KCNIP1: variants seen among roughly 807,000 people sequenced by gnomAD.
The protein encoded by KCNIP1 is potassium voltage-gated channel interacting protein 1, also known as A-type potassium channel modulatory protein KCNIP1.
A neutral mutation model predicts 33.0 loss-of-function variants in KCNIP1; 18 were observed. The ratio of observed to expected loss-of-function variants is 0.55; its 90% CI spans 0.38 to 0.81. The LOEUF (loss-of-function observed/expected upper bound fraction) is 0.81. Among genes scored for constraint, KCNIP1 ranks in the 30% least tolerant of loss-of-function variants. The pLI is 0.00. For missense variants in KCNIP1, 238 were observed against 271.6 expected (o/e 0.88, Z 0.87); for synonymous variants, 93 against 98.3 (o/e 0.95, Z 0.32).
chr5:170,607,652 C>T (rs1408640669), intron 1 of KCNIP1, among the ~76,000 whole-genome samples: 2 of 152,240 alleles, frequency 1.3e-5, no homozygotes, highest in African/African-American at 4.8e-5. Flanking sequence ...GGGTTCATCC[C>T]TGCCTCCTCA....
At chr5:170,386,190 A>G (rs1476420902) in intron 1 of KCNIP1, among the ~76,000 whole-genome samples, 1 of 152,208 alleles carries the variant, frequency 6.6e-6, no homozygotes, top group East Asian at 1.9e-4. Flanking sequence ...TGGATTATCC[A>G]TGTAGCTCCT....
intron 1 of KCNIP1, among the ~76,000 whole-genome samples, chr5:170,439,804 T>C (rs1022377419): frequency 4.6e-5 from 7 of 152,192 alleles, no homozygotes; most frequent in African/African-American, 1.7e-4. Context: ...GGCTCCTTTC[T>C]TGTGGGCCTG....
intron 1 of KCNIP1, among the ~76,000 whole-genome samples, chr5:170,444,470 T>C (rs900173185): frequency 2.6e-5 from 4 of 152,152 alleles, no homozygotes; most frequent in Non-Finnish European, 5.9e-5. Flanking sequence ...TAAAGCCAGC[T>C]GATTGACAAC....
intron 1 of KCNIP1, chr5:170,378,542 A>G (rs1764097716): frequency 1.2e-6 from 1 of 813,708 alleles, no homozygotes; most frequent in South Asian, 1.7e-5. Context: ...ACTTCACAAA[A>G]GGATTTCTCA....
At chr5:170,570,283 GTCT>G (rs1328089399) in intron 1 of KCNIP1, among the ~76,000 whole-genome samples, 1 of 152,182 alleles carries the variant, frequency 6.6e-6, no homozygotes, top group Non-Finnish European at 1.5e-5. Flanking sequence ...AGCTGCTATA[GTCT>G]TCTTCTGATC....
chr5:170,436,133 CA>C (rs1253746653), intron 1 of KCNIP1, among the ~76,000 whole-genome samples: 1 of 152,166 alleles, frequency 6.6e-6, no homozygotes, highest in East Asian at 1.9e-4. Context: ...ATAAGTTCTC[CA>C]GGGGGTTCTG....
chr5:170,629,372 A>C (rs1306043104), intron 1 of KCNIP1, among the ~76,000 whole-genome samples: 1 of 152,198 alleles, frequency 6.6e-6, no homozygotes, highest in Non-Finnish European at 1.5e-5. Context: ...GCAACTCAGC[A>C]GGCCAAGGGA....
intron 1 of KCNIP1, among the ~76,000 whole-genome samples, chr5:170,675,492 G>T (rs986333985): frequency 2.0e-5 from 3 of 151,942 alleles, no homozygotes; most frequent in Non-Finnish European, 4.4e-5. Flanking sequence ...ATGGTGGCAC[G>T]CACCTGTAGT....
chr5:170,535,103 C>T (rs547820679), intron 1 of KCNIP1, among the ~76,000 whole-genome samples: 162 of 152,304 alleles, frequency 1.1e-3, no homozygotes, highest in Non-Finnish European at 1.0e-3. Context: ...GTCCCAGCGC[C>T]GTCTCCGCAA....
chr5:170,565,284 G>A (rs1041761230), intron 1 of KCNIP1, among the ~76,000 whole-genome samples: 1 of 152,118 alleles, frequency 6.6e-6, no homozygotes, highest in Admixed American at 6.5e-5. Flanking sequence ...GTAGCCATGG[G>A]CCAGCAGCAT....
chr5:170,660,333 A>G (rs1761426800), intron 1 of KCNIP1, among the ~76,000 whole-genome samples: 1 of 151,860 alleles, frequency 6.6e-6, no homozygotes, highest in Non-Finnish European at 1.5e-5. Context: ...AAAATGGAAA[A>G]CTTTTCCCCC....
At chr5:170,587,921 C>T (rs1019826951) in intron 1 of KCNIP1, among the ~76,000 whole-genome samples, 1 of 152,230 alleles carries the variant, frequency 6.6e-6, no homozygotes, top group African/African-American at 2.4e-5. Context: ...TCCTTGCCAT[C>T]GCCAGCTCAG....
At chr5:170,589,961 C>A (rs2113548068) in intron 1 of KCNIP1, among the ~76,000 whole-genome samples, 1 of 152,292 alleles carries the variant, frequency 6.6e-6, no homozygotes, top group Admixed American at 6.5e-5. Context: ...GTGGTGACTT[C>A]ATCTCCCCTA....
intron 1 of KCNIP1, among the ~76,000 whole-genome samples, chr5:170,434,813 G>A (rs1163460418): frequency 1.3e-5 from 2 of 152,174 alleles, no homozygotes; most frequent in African/African-American, 4.8e-5. Context: ...AAATCAGCCG[G>A]GCGTGGTGGC....
chr5:170,539,604 G>A (rs1428283203), intron 1 of KCNIP1, among the ~76,000 whole-genome samples: 1 of 152,096 alleles, frequency 6.6e-6, no homozygotes, highest in East Asian at 1.9e-4. Context: ...TTTCCCCATA[G>A]CGCTCATCCC....
At chr5:170,368,917 C>A (rs896488841) in intron 1 of KCNIP1, among the ~76,000 whole-genome samples, 3 of 152,178 alleles carry the variant, frequency 2.0e-5, no homozygotes, top group African/African-American at 7.2e-5. Flanking sequence ...TGCTCCTCAG[C>A]CTAACTCTCA....
chr5:170,392,560 T>C (rs1458516800), intron 1 of KCNIP1, among the ~76,000 whole-genome samples: 2 of 152,216 alleles, frequency 1.3e-5, no homozygotes, highest in South Asian at 4.1e-4. Context: ...TGGTGGCTCA[T>C]GCCTGTAATC....
At chr5:170,354,570 C>T (rs902745901) in intron 1 of KCNIP1, among the ~76,000 whole-genome samples, 1 of 152,208 alleles carries the variant, frequency 6.6e-6, no homozygotes, top group Non-Finnish European at 1.5e-5. Flanking sequence ...TATGTCCATG[C>T]CTGTCTTTTC....
intron 1 of KCNIP1, among the ~76,000 whole-genome samples, chr5:170,453,951 C>G (rs1356807956): frequency 6.6e-6 from 1 of 152,200 alleles, no homozygotes; most frequent in African/African-American, 2.4e-5. Flanking sequence ...TACAGACCAG[C>G]CAACACCTTG....
Sources: allele counts gnomAD v4.1 joint callset (sites outside exome capture counted in the v4.1 genomes callset), GRCh38; gene constraint gnomAD v4.1.1; transcripts MANE v1.5; gene names NCBI Gene and HGNC (gene_info 2026-07-23, HGNC 2026-07-21).